The following DDHD1 variants were observed in gnomAD, a reference collection of about 807,000 sequenced individuals.
The protein encoded by DDHD1 is DDHD domain containing 1.
Under a neutral mutation model 96.4 loss-of-function variants are expected in DDHD1, and 49 were observed. The observed-to-expected ratio is 0.51, with a 90% CI of 0.40 to 0.64. DDHD1 has a LOEUF of 0.64. Ranked by LOEUF, DDHD1 falls within the 30% of genes least tolerant of loss-of-function variation. The pLI is 0.00. For missense variants in DDHD1, 1,106 were observed against 1,161.2 expected (o/e 0.95, Z 0.69); for synonymous variants, 442 against 446.5 (o/e 0.99, Z 0.13).
At chr14:53,101,163 A>C (rs1488305949) in intron 2 of DDHD1, among the ~76,000 whole-genome samples, 1 of 152,200 alleles carries the variant, frequency 6.6e-6, no homozygotes, top group African/African-American at 2.4e-5. Context: ...AGAAGCTTAG[A>C]GCTAACAGTA....
At chr14:53,111,874 T>C (rs1485121243) in intron 1 of DDHD1, among the ~76,000 whole-genome samples, 1 of 152,182 alleles carries the variant, frequency 6.6e-6, no homozygotes, top group Admixed American at 6.5e-5. Flanking sequence ...AAGCTAACTG[T>C]CCAATTGAAA....
chr14:53,153,178 G>C lies in DDHD1; in HGVS notation c.-80C>G. 3 of 1,196,250 alleles carry C rather than the reference G, an allele frequency of 2.5e-6. No homozygotes were observed. The highest frequency in any genetic ancestry group is 2.0e-5 in the South Asian group (1 of 49,264). The allele number at this position is 1,196,250 out of a possible 1,614,324, so 74.1% of individuals were successfully genotyped here. On this transcript the variant is annotated 5_prime_UTR_variant, in exon 1 of 13. Transcript: ENST00000673822. ...CTTCCGCCACACATTCAACGCCGCC[G>C]CCCTCTCCACCCGAAGTTTCTAATC...
At position 53,038,641 on chromosome 14, in the gene DDHD1, C is replaced by G. The variant is rs1231240765; in HGVS notation, c.*8127G>C. 1 of 152,168 alleles carries G rather than the reference C, an allele frequency of 6.6e-6. No homozygotes were observed. The highest frequency in any genetic ancestry group is 1.5e-5 in the Non-Finnish European group (1 of 68,012). The allele number at this position is 152,168 out of a possible 1,614,324, so 9.4% of individuals were successfully genotyped here. A position where few individuals can be genotyped will look rare whatever the true frequency, so the allele number is the denominator to read the frequency against. ...TGCTGTCCTATCAAACTACCAACCT[C>G]ATTTTTCACAGAGGTTGGAACATTT... On this transcript the variant is annotated 3_prime_UTR_variant, in exon 13 of 13. Transcript: ENST00000673822.
Position 53,091,895 on chromosome 14 carries a change from T to TAAA in DDHD1, c.1178_1179insTTT (p.Val393_Glu394insLeu). ...GCTTGTCTTCTAATGTGGCTTCTTC[T>TAAA]ACATAACCTCTATGAAGTCTGGTAC... On this transcript the variant is annotated inframe_insertion, in exon 4 of 13. Coordinates refer to ENST00000673822, the MANE Select transcript of DDHD1 (RefSeq NM_001160148.2). 1 of 1,613,334 alleles carries TAAA rather than the reference T, an allele frequency of 6.2e-7. No homozygotes were observed. Among genetic ancestry groups the TAAA allele is most frequent in the South Asian group, 1.1e-5 (1 of 90,944 alleles).
intron 4 of DDHD1, among the ~76,000 whole-genome samples, chr14:53,080,082 T>A (rs1885328983): frequency 6.6e-6 from 1 of 152,206 alleles, no homozygotes; most frequent in African/African-American, 2.4e-5. Flanking sequence ...GACATCTGTT[T>A]GGGTGCATTG....
At chr14:53,089,406 T>C (rs1886249524) in intron 4 of DDHD1, among the ~76,000 whole-genome samples, 1 of 152,160 alleles carries the variant, frequency 6.6e-6, no homozygotes, top group African/African-American at 2.4e-5. Context: ...GCTAACTGAC[T>C]TCAAACTATA....
intron 4 of DDHD1, among the ~76,000 whole-genome samples, chr14:53,081,292 AGTTTT>A (rs1885448319): frequency 6.6e-6 from 1 of 152,352 alleles, no homozygotes; most frequent in South Asian, 2.1e-4. Flanking sequence ...TCAAATGTTC[AGTTTT>A]AACAAATATG....
chr14:53,100,568 T>C (rs146314671), intron 2 of DDHD1, among the ~76,000 whole-genome samples: 1 of 152,282 alleles, frequency 6.6e-6, no homozygotes, highest in East Asian at 1.9e-4. Context: ...TTTTGGTATC[T>C]GGTGGTGGTA....
chr14:53,085,484 G>C (rs1264638929), intron 4 of DDHD1, among the ~76,000 whole-genome samples: 2 of 152,140 alleles, frequency 1.3e-5, no homozygotes, highest in Non-Finnish European at 2.9e-5. Flanking sequence ...TGCAGACTCC[G>C]CTGGTAATAC....
At chr14:53,122,011 A>C (rs1374520740) in intron 1 of DDHD1, among the ~76,000 whole-genome samples, 1 of 151,870 alleles carries the variant, frequency 6.6e-6, no homozygotes, top group Non-Finnish European at 1.5e-5. Flanking sequence ...GTGCTCTACA[A>C]TAATGGAGCT....
In DDHD1 at chr14:53,045,719, A is replaced by C. The variant is rs2139801588; in HGVS notation, c.*1049T>G. 6.6e-6 allele frequency: 1 copy of C among 152,340 alleles called. No individual in the cohort carries two copies. Among genetic ancestry groups the C allele is most frequent in the South Asian group, 2.1e-4 (1 of 4,830 alleles). The allele number at this position is 152,340 out of a possible 1,614,324, so 9.4% of individuals were successfully genotyped here. Reference sequence around the variant, plus strand: ...AGCACTGTGGAAACAATTACAGCTGAAGAAAACCCTTCCAATGCCTCAGAA... The same window carrying C: ...AGCACTGTGGAAACAATTACAGCTGCAGAAAACCCTTCCAATGCCTCAGAA... On this transcript the variant is annotated 3_prime_UTR_variant, in exon 13 of 13. Coordinates refer to ENST00000673822, the MANE Select transcript of DDHD1 (RefSeq NM_001160148.2).
At position 53,042,239 on chromosome 14, in the gene DDHD1, C is replaced by T. The variant is rs1424044093; in HGVS notation, c.*4529G>A. 1 of 152,196 alleles carries T rather than the reference C, an allele frequency of 6.6e-6. No homozygotes were observed. Among genetic ancestry groups the T allele is most frequent in the African/African-American group, 2.4e-5 (1 of 41,444 alleles). The allele number at this position is 152,196 out of a possible 1,614,324, so 9.4% of individuals were successfully genotyped here. A position where few individuals can be genotyped will look rare whatever the true frequency, so the allele number is the denominator to read the frequency against. On this transcript the variant is annotated 3_prime_UTR_variant, in exon 13 of 13. Transcript: ENST00000673822. ...TTTAGTGTAGCAAAGGCTCTCAAAG[C>T]CCTGCTGTAAGGGAGATTTTTGAAT...
intron 6 of DDHD1, among the ~76,000 whole-genome samples, chr14:53,066,475 G>C (rs990677798): frequency 2.0e-5 from 3 of 152,102 alleles, no homozygotes; most frequent in Non-Finnish European, 4.4e-5. Context: ...CAAAGGCTCA[G>C]AGAAGAAGGG....
At chr14:53,131,266 TC>T (rs1405892598) in intron 1 of DDHD1, among the ~76,000 whole-genome samples, 7 of 152,020 alleles carry the variant, frequency 4.6e-5, no homozygotes, top group African/African-American at 7.2e-5. Flanking sequence ...TCCTATTGTA[TC>T]CCCCCACCTT....
At chr14:53,093,553 G>A in intron 2 of DDHD1, 109 bp from the exon 3 acceptor site, 1 of 1,392,104 alleles carries the variant, frequency 7.2e-7, no homozygotes. Flanking sequence ...AAAAAACTCA[G>A]ATATGGAACT....
At chr14:53,095,286 T>C (rs1013264663) in intron 2 of DDHD1, among the ~76,000 whole-genome samples, 12 of 152,132 alleles carry the variant, frequency 7.9e-5, no homozygotes, top group Admixed American at 7.2e-4. Flanking sequence ...CTTACAAAAA[T>C]ACAGAGGTAC....
Position 53,058,564 on chromosome 14 carries a change from G to C in DDHD1, c.1905C>G (p.Arg635=), listed in dbSNP as rs780940236. The C allele has an allele frequency of 5.2e-5, 84 of 1,613,592 alleles. No individual in the cohort carries two copies. Among genetic ancestry groups the C allele is most frequent in the Non-Finnish European group, 6.6e-5 (78 of 1,179,866 alleles). The change falls in exon 9 of 13, where the codon CGC becomes CGG. Residue 635 remains arginine (R), a synonymous_variant. Transcript: ENST00000673822. ...LAVFLALRGI[R]PGNTGSQDHI... ...GGTCTTGACTTCCAGTATTTCCTGG[G>C]CGGATGCCACGCAACGCCAAGAAAA... is the stretch of plus-strand genomic sequence containing the variant.
At chr14:53,108,162 C>A (rs139221704) in intron 1 of DDHD1, among the ~76,000 whole-genome samples, 1 of 152,264 alleles carries the variant, frequency 6.6e-6, no homozygotes, top group South Asian at 2.1e-4. Flanking sequence ...GCAGACCTGC[C>A]GCTGACTTCC....
Position 53,073,798 on chromosome 14 carries a change from C to T in DDHD1, c.1339G>A (p.Ala447Thr), listed in dbSNP as rs1408668280. The T allele has an allele frequency of 6.2e-7, 1 of 1,610,862 alleles. No homozygotes were observed. The highest frequency in any genetic ancestry group is 8.5e-7 in the Non-Finnish European group (1 of 1,178,068). Residue 447 changes from alanine (A) to threonine (T), a missense_variant, in exon 5 of 13, where the codon GCA (alanine) becomes ACA (threonine). Ala to Thr is a moderately conservative substitution (Grantham distance 58). Around this residue, in one of 2 missense-constraint regions of DDHD1, gnomAD observed 650 missense variants for 758.8 expected, o/e 0.86. Coordinates refer to ENST00000673822, the MANE Select transcript of DDHD1 (RefSeq NM_001160148.2). ...ACAGGCAGAAATTCAACATGTGTTG[C>T]ATGGTTGGAAAAATGCCTTTCTTCT... ...KIEERHFSNHATHVEFLPVEW... is the reference protein window; with the variant it reads ...KIEERHFSNHTTHVEFLPVEW...
Sources: gnomAD v4.1 joint callset for allele counts (sites outside exome capture counted in the v4.1 genomes callset) on GRCh38, gnomAD v4.1.1 for gene constraint, gnomAD v4.1.1 regional missense constraint, MANE v1.5 for transcripts, NCBI Gene and HGNC (gene_info 2026-07-23, HGNC 2026-07-21) for gene names.